SFRP5: variants seen among roughly 807,000 people sequenced by gnomAD.
SFRP5 encodes secreted frizzled-related protein 5.
Under a neutral mutation model 27.0 loss-of-function variants are expected in SFRP5, and 22 were observed. The ratio of observed to expected loss-of-function variants is 0.82; its 90% CI spans 0.58 to 1.17. The LOEUF (loss-of-function observed/expected upper bound fraction) is 1.17. SFRP5 is among the 50% of genes most tolerant of loss of function. SFRP5 has a pLI of 0.00. For synonymous variants in SFRP5, 171 were observed against 195.0 expected (o/e 0.88, Z 1.03); for missense variants, 406 against 436.6 (o/e 0.93, Z 0.63).
At chr10:97,768,010 T>G (rs945284998) in intron 2 of SFRP5, 150 bp from the exon 3 acceptor site, 2 of 544,906 alleles carry the variant, frequency 3.7e-6, no homozygotes, top group African/African-American at 3.8e-5. Flanking sequence ...GGGCACATTT[T>G]CATATTTATG....
rs1449925299 is a variant in SFRP5 at position 97,771,810 on chromosome 10, CCCCCCCGCCGCCGCCG to C, written c.8_23del (p.Ala3GlyfsTer78). The C allele has an allele frequency of 3.5e-6, 4 of 1,131,732 alleles. No homozygotes were observed. Among genetic ancestry groups the C allele is most frequent in the Non-Finnish European group, 4.4e-6 (4 of 911,050 alleles). The allele number at this position is 1,131,732 out of a possible 1,614,324, so 70.1% of individuals were successfully genotyped here. The stretch of plus-strand genomic sequence containing the variant: ...GCGCCAGCGCGGCCGTCCGCACGCC[CCCCCCCGCCGCCGCCG>C]CCCGCATGGCTGCGCCCTCTCCAGG... On this transcript the variant is annotated frameshift_variant, in exon 1 of 3. Transcript: ENST00000266066. LOFTEE classifies it high-confidence loss of function. This position sits in a 1 kb window ranked among gnomAD's most constrained non-coding sequence, Gnocchi z 5.2.
chr10:97,767,300 A>G lies in SFRP5; in HGVS notation c.*214T>C. The G allele has an allele frequency of 2.0e-6, 1 of 502,780 alleles. No homozygotes were observed. The highest frequency in any genetic ancestry group is 3.5e-5 in the South Asian group (1 of 28,620). The allele number at this position is 502,780 out of a possible 1,614,324, so 31.1% of individuals were successfully genotyped here. Reference sequence around the variant, plus strand: ...CCCTGAGGTCTTCACCCAGATGAAGAAGCCCTGCTCCTGAGAGAGGAAGCC... The same window carrying G: ...CCCTGAGGTCTTCACCCAGATGAAGGAGCCCTGCTCCTGAGAGAGGAAGCC... On this transcript the variant is annotated 3_prime_UTR_variant, in exon 3 of 3. Coordinates refer to ENST00000266066, the MANE Select transcript of SFRP5 (RefSeq NM_003015.3).
chr10:97,770,411 G>T (rs982493795), intron 1 of SFRP5, among the ~76,000 whole-genome samples: 1 of 152,174 alleles, frequency 6.6e-6, no homozygotes, highest in Non-Finnish European at 1.5e-5. Context: ...GGCCCAGAGC[G>T]GTTACTCAAG....
chr10:97,770,624 G>C (rs1321226986), intron 1 of SFRP5, among the ~76,000 whole-genome samples: 1 of 152,212 alleles, frequency 6.6e-6, no homozygotes, highest in Admixed American at 6.5e-5. Flanking sequence ...GGGAAACTGA[G>C]GCTCAGTGAA....
At chr10:97,769,330 C>T (rs1010578573) in intron 2 of SFRP5, among the ~76,000 whole-genome samples, 1 of 152,228 alleles carries the variant, frequency 6.6e-6, no homozygotes, top group South Asian at 2.1e-4. Flanking sequence ...CCATCCATCT[C>T]TGGGCTAAGC....
chr10:97,771,153 A>G lies in SFRP5; in HGVS notation c.529+152T>C. 2 of 539,292 alleles carry G rather than the reference A, an allele frequency of 3.7e-6. No individual in the cohort carries two copies. Among genetic ancestry groups the G allele is most frequent in the South Asian group, 2.6e-5 (1 of 39,018 alleles). 33.4% of individuals were successfully genotyped at this position (539,292 alleles called of 1,614,324 possible). On this transcript the variant is annotated intron_variant, in intron 1 of 2. Coordinates refer to ENST00000266066, the MANE Select transcript of SFRP5 (RefSeq NM_003015.3). This position sits in a 1 kb window ranked among gnomAD's most constrained non-coding sequence, Gnocchi z 5.2. ...TGGGAAGGCGGGAAGGCTGCGGGGG[A>G]TAATTCCGGGGACGCTGGGCTGAGC...
chr10:97,768,944 T>G (rs1590135055), intron 2 of SFRP5, among the ~76,000 whole-genome samples: 1 of 152,166 alleles, frequency 6.6e-6, no homozygotes, highest in East Asian at 1.9e-4. Flanking sequence ...CCTCTCTTTC[T>G]CTCTCTGACA....
At chr10:97,770,105 C>T (rs2049506747) in intron 1 of SFRP5, among the ~76,000 whole-genome samples, 1 of 152,232 alleles carries the variant, frequency 6.6e-6, no homozygotes, top group Non-Finnish European at 1.5e-5. Flanking sequence ...CTCGCTCTGT[C>T]ACCCAGGCTG....
At chr10:97,770,312 C>T (rs2049507576) in intron 1 of SFRP5, among the ~76,000 whole-genome samples, 1 of 152,208 alleles carries the variant, frequency 6.6e-6, no homozygotes, top group African/African-American at 2.4e-5. Context: ...TCAAGTGATT[C>T]ACCCACCTTG....
In SFRP5 at chr10:97,771,665, G is replaced by C; in HGVS notation, c.169C>G (p.Pro57Ala). The change falls in exon 1 of 3, where the codon CCT becomes GCT. Residue 57 changes from proline to alanine, a missense_variant. By Grantham distance (27) the Pro-to-Ala change is conservative. Transcript: ENST00000266066. The surrounding 1 kb of genome is among the most constrained non-coding windows in gnomAD (Gnocchi z 5.2). The stretch of plus-strand genomic sequence containing the variant: ...GTGTGGCAGAGCGGCAGGTCGGCAG[G>C]GATGTCAAGGCACTGCGGCGGCTTG... The part of the protein sequence containing the change: ...YSKPPQCLDI[P>A]ADLPLCHTVG... The C allele has an allele frequency of 6.2e-7, 1 of 1,603,122 alleles. No individual in the cohort carries two copies.
In SFRP5 at chr10:97,767,627, C is replaced by T. The variant is rs540580661; in HGVS notation, c.841G>A (p.Val281Ile). 63 of 1,613,920 alleles carry T rather than the reference C, an allele frequency of 3.9e-5. No homozygotes were observed. The highest frequency in any genetic ancestry group is 1.6e-4 in the South Asian group (15 of 91,078). ...KVDGQLLLMA[V>I]YRWDKKNKEM... Reference sequence around the variant, plus strand: ...TTATTCTTCTTGTCCCAGCGGTAGACGGCCATGAGCAGCAGCTGTCCATCC... The same window carrying T: ...TTATTCTTCTTGTCCCAGCGGTAGATGGCCATGAGCAGCAGCTGTCCATCC... The change falls in exon 3 of 3, where the codon GTC becomes ATC. Residue 281 changes from valine (V) to isoleucine (I), a missense_variant. Val to Ile is a conservative substitution (Grantham distance 29, BLOSUM62 3). Coordinates refer to ENST00000266066, the MANE Select transcript of SFRP5 (RefSeq NM_003015.3).
chr10:97,771,597 G>C lies in SFRP5; in HGVS notation c.237C>G (p.His79Gln), dbSNP rs754903089. The stretch of plus-strand genomic sequence containing the variant: ...GCTGCTTCACTTCGGCCAGGCTCTC[G>C]TGCTCCAGCAGGTTGGGCAGCCGCA... ...KRMRLPNLLE[H>Q]ESLAEVKQQA... The change falls in exon 1 of 3, where the codon CAC becomes CAG. Residue 79 changes from histidine to glutamine, a missense_variant. Physicochemically the swap from His to Gln is conservative, Grantham distance 24. Transcript: ENST00000266066. This position sits in a 1 kb window ranked among gnomAD's most constrained non-coding sequence, Gnocchi z 5.2. The C allele has an allele frequency of 6.2e-6, 10 of 1,611,528 alleles. No individual in the cohort carries two copies. The highest frequency in any genetic ancestry group is 2.2e-5 in the East Asian group (1 of 44,824).
chr10:97,770,387 GAA>G (rs1247897235), intron 1 of SFRP5, among the ~76,000 whole-genome samples: 1 of 152,206 alleles, frequency 6.6e-6, no homozygotes, highest in South Asian at 2.1e-4. Context: ...CTATTTTGGA[GAA>G]AAGGGAACCG....
At chr10:97,770,217 G>A (rs899743916) in intron 1 of SFRP5, among the ~76,000 whole-genome samples, 2 of 152,216 alleles carry the variant, frequency 1.3e-5, no homozygotes, top group South Asian at 2.1e-4. Context: ...TTACAGGCGT[G>A]TGCCACCACG....
intron 1 of SFRP5, among the ~76,000 whole-genome samples, chr10:97,770,835 C>G (rs2049510850): frequency 6.6e-6 from 1 of 152,226 alleles, no homozygotes. Flanking sequence ...CACATCCCTT[C>G]CCTCACCTCT....
chr10:97,771,332 C>G lies in SFRP5; in HGVS notation c.502G>C (p.Gly168Arg). The change falls in exon 1 of 3, where the codon GGG (glycine) becomes CGG (arginine). Residue 168 changes from glycine to arginine, a missense_variant. Coordinates refer to ENST00000266066, the MANE Select transcript of SFRP5 (RefSeq NM_003015.3). The surrounding 1 kb of genome is among the most constrained non-coding windows in gnomAD (Gnocchi z 5.2). ...GGAGGCGCGGTGGCGGGCAGGTGCC[C>G]GAACTGCACGGCGATGCAGAGGTCG... ...DNDLCIAVQFGHLPATAPPVT... is the reference protein window; with the variant it reads ...DNDLCIAVQFRHLPATAPPVT... 1 of 1,590,772 alleles carries G rather than the reference C, an allele frequency of 6.3e-7. No individual in the cohort carries two copies. The highest frequency in any genetic ancestry group is 8.6e-7 in the Non-Finnish European group (1 of 1,169,214).
intron 1 of SFRP5, among the ~76,000 whole-genome samples, chr10:97,770,585 G>A (rs1337067165): frequency 6.6e-6 from 1 of 152,202 alleles, no homozygotes. Context: ...GGTTTCATGA[G>A]CCTGGGATGG....
intron 2 of SFRP5, among the ~76,000 whole-genome samples, chr10:97,768,401 C>G (rs1442332147): frequency 2.0e-5 from 3 of 152,046 alleles, no homozygotes; most frequent in African/African-American, 7.2e-5. Context: ...CAGTGGTGGG[C>G]TGGCAAATAT....
chr10:97,771,194 G>GTA lies in SFRP5; in HGVS notation c.529+110_529+111insTA. ...TGGGCTGAGCTAGGACAGCGTGTGTGTGTGTGTGTGGGCGGAGGGGGGGAG... is the reference window on the plus strand; with the variant it reads ...TGGGCTGAGCTAGGACAGCGTGTGTGTATGTGTGTGTGGGCGGAGGGGGGGAG... On this transcript the variant is annotated intron_variant, in intron 1 of 2. Coordinates refer to ENST00000266066, the MANE Select transcript of SFRP5 (RefSeq NM_003015.3). This position sits in a 1 kb window ranked among gnomAD's most constrained non-coding sequence, Gnocchi z 5.2. 1 of 651,506 alleles carries GTA rather than the reference G, an allele frequency of 1.5e-6. No individual in the cohort carries two copies. The highest frequency in any genetic ancestry group is 2.0e-5 in the South Asian group (1 of 50,460). The allele number at this position is 651,506 out of a possible 1,614,324, so 40.4% of individuals were successfully genotyped here. A position where few individuals can be genotyped will look rare whatever the true frequency, so the allele number is the denominator to read the frequency against.
Sources: allele counts gnomAD v4.1 joint callset (sites outside exome capture counted in the v4.1 genomes callset), GRCh38; gene constraint gnomAD v4.1.1; non-coding constraint Gnocchi (gnomAD v3.1); transcripts MANE v1.5; gene names NCBI Gene and HGNC (gene_info 2026-07-23, HGNC 2026-07-21).